Variants in STX4 observed in about 807,000 individuals in gnomAD.
STX4 encodes syntaxin 4, also known as syntaxin-4.
A neutral mutation model predicts 41.8 loss-of-function variants in STX4; 24 were observed. The observed-to-expected ratio is 0.57, with a 90% CI of 0.42 to 0.81. STX4 has a LOEUF of 0.81. Ranked by LOEUF, STX4 falls within the 30% of genes least tolerant of loss-of-function variation. The pLI is 0.00. For missense variants in STX4, 316 were observed against 389.9 expected, an observed-to-expected ratio of 0.81 and a Z score of 1.60; for synonymous variants, 158 against 156.4, an observed-to-expected ratio of 1.01 and a Z score of -0.08.
At chr16:31,035,081 G>A (rs773121365) in intron 5 of STX4, 41 bp downstream of exon 5, 1 of 1,523,542 alleles carries the variant, frequency 6.6e-7, no homozygotes, top group South Asian at 1.2e-5. Context: ...TTCAGCAAAT[G>A]TTTCATGAAG....
intron 5 of STX4, 92 bp from the exon 6 acceptor site, chr16:31,037,834 A>G (rs55979739): frequency 0.38 from 482,364 of 1,259,982 alleles, 99,319 homozygotes; most frequent in South Asian, 0.68. Flanking sequence ...ATAAGAGCTC[A>G]TGCTATTTGC....
In STX4 at chr16:31,038,310, T is replaced by C. The variant is rs1009658297; in HGVS notation, c.564+120T>C. ...CCTCAGCCTCCCGAGTAGCTGGGAC[T>C]ATAGGTGCAAGCCACTGCACCCCGC... is the stretch of plus-strand genomic sequence containing the variant. On this transcript the variant is annotated intron_variant, in intron 7 of 10. Transcript: ENST00000313843. 4.3e-6 allele frequency: 6 copies of C among 1,405,124 alleles called. No individual in the cohort carries two copies. The African/African-American group carries it at 7.1e-5, about 17-fold the overall frequency. 87.0% of individuals were successfully genotyped at this position (1,405,124 alleles called of 1,614,324 possible). A position where few individuals can be genotyped will look rare whatever the true frequency, so the allele number is the denominator to read the frequency against.
chr16:31,034,863 T>C, intron 4 of STX4, 107 bp from the exon 5 acceptor site: 4 of 1,056,880 alleles, frequency 3.8e-6, no homozygotes, highest in East Asian at 2.6e-5. Context: ...AAAATAAACT[T>C]ACTTTCTCCT....
rs1204876092 is a variant in STX4 at position 31,033,922 on chromosome 16, A to T, written c.30+87A>T. 6.9e-7 allele frequency: 1 copy of T among 1,458,504 alleles called. No individual in the cohort carries two copies. The highest frequency in any genetic ancestry group is 1.4e-5 in the African/African-American group (1 of 70,048). 90.3% of individuals were successfully genotyped at this position (1,458,504 alleles called of 1,614,324 possible). A position where few individuals can be genotyped will look rare whatever the true frequency, so the allele number is the denominator to read the frequency against. On this transcript the variant is annotated intron_variant, in intron 1 of 10. Coordinates refer to ENST00000313843, the MANE Select transcript of STX4 (RefSeq NM_004604.5). This position sits in a 1 kb window ranked among gnomAD's most constrained non-coding sequence, Gnocchi z 5.5. Reference sequence around the variant, plus strand: ...TCTTCGGGATAGGGAGGGGTGGCTGATGGCCAGGAAGGAAAGTCCCGGAAG... The same window carrying T: ...TCTTCGGGATAGGGAGGGGTGGCTGTTGGCCAGGAAGGAAAGTCCCGGAAG...
chr16:31,036,063 G>A (rs928701148), intron 5 of STX4, among the ~76,000 whole-genome samples: 3 of 152,030 alleles, frequency 2.0e-5, no homozygotes, highest in Non-Finnish European at 4.4e-5. Flanking sequence ...ATAGGCATGA[G>A]CCACCGCGCG....
In STX4 at chr16:31,033,613, C is replaced by T. The variant is rs1398587756; in HGVS notation, c.-193C>T. 3.4e-6 allele frequency: 5 copies of T among 1,490,960 alleles called. No individual in the cohort carries two copies. In the African/African-American group the frequency reaches 7.0e-5, roughly 21 times the overall value. 92.4% of individuals were successfully genotyped at this position (1,490,960 alleles called of 1,614,324 possible). A position where few individuals can be genotyped will look rare whatever the true frequency, so the allele number is the denominator to read the frequency against. ...AAAAGGGAATTCCAACCTGTGGAAC[C>T]TTGGGGGGTCCCCGGGGTCGGCGCC... On this transcript the variant is annotated 5_prime_UTR_variant, in exon 1 of 11. Coordinates refer to ENST00000313843, the MANE Select transcript of STX4 (RefSeq NM_004604.5). This position sits in a 1 kb window ranked among gnomAD's most constrained non-coding sequence, Gnocchi z 5.5.
intron 3 of STX4, 25 bp downstream of exon 3, chr16:31,034,350 C>T: frequency 6.2e-7 from 1 of 1,613,438 alleles, no homozygotes. Context: ...GGCTGCAGGG[C>T]GCATGCTCCG....
Position 31,038,547 on chromosome 16 carries a change from A to G in STX4, c.602A>G (p.Asn201Ser). ...KDTQVTRQAL[N>S]EISARHSEIQ... ...ACGCAGGTGACTCGACAGGCCTTAA[A>G]TGAGATCTCGGCCCGGCACAGTGAG... is the stretch of plus-strand genomic sequence containing the variant. The change falls in exon 8 of 11, where the codon AAT becomes AGT. Residue 201 changes from asparagine (N) to serine (S), a missense_variant. Transcript: ENST00000313843. 1 of 1,614,084 alleles carries G rather than the reference A, an allele frequency of 6.2e-7. No individual in the cohort carries two copies. The highest frequency in any genetic ancestry group is 8.5e-7 in the Non-Finnish European group (1 of 1,180,020).
At position 31,033,780 on chromosome 16, in the gene STX4, G is replaced by T. The variant is rs1041648834; in HGVS notation, c.-26G>T. 3.4e-6 allele frequency: 5 copies of T among 1,451,494 alleles called. No individual in the cohort carries two copies. Among genetic ancestry groups the T allele is most frequent in the Non-Finnish European group, 3.6e-6 (4 of 1,099,970 alleles). 89.9% of individuals were successfully genotyped at this position (1,451,494 alleles called of 1,614,324 possible). A position where few individuals can be genotyped will look rare whatever the true frequency, so the allele number is the denominator to read the frequency against. On this transcript the variant is annotated 5_prime_UTR_variant, in exon 1 of 11. Coordinates refer to ENST00000313843, the MANE Select transcript of STX4 (RefSeq NM_004604.5). The surrounding 1 kb of genome is among the most constrained non-coding windows in gnomAD (Gnocchi z 5.5). Reference sequence around the variant, plus strand: ...AATTTGAGGGCCTCCCGGCTCTGGCGCCGGGGAGGGAGAGCTCAGGCCGCC... The same window carrying T: ...AATTTGAGGGCCTCCCGGCTCTGGCTCCGGGGAGGGAGAGCTCAGGCCGCC...
chr16:31,033,669 G>A lies in STX4; in HGVS notation c.-137G>A, dbSNP rs2056773459. Reference sequence around the variant, plus strand: ...ATTGACTGTGGGCGGTGCAAGGGACGGAGCCTCTGGCGGCTCGTGGGGGTG... The same window carrying A: ...ATTGACTGTGGGCGGTGCAAGGGACAGAGCCTCTGGCGGCTCGTGGGGGTG... On this transcript the variant is annotated 5_prime_UTR_variant, in exon 1 of 11. Transcript: ENST00000313843. This position sits in a 1 kb window ranked among gnomAD's most constrained non-coding sequence, Gnocchi z 5.5. 6.9e-7 allele frequency: 1 copy of A among 1,451,920 alleles called. No homozygotes were observed. 89.9% of individuals were successfully genotyped at this position (1,451,920 alleles called of 1,614,324 possible). A position where few individuals can be genotyped will look rare whatever the true frequency, so the allele number is the denominator to read the frequency against.
chr16:31,033,737 C>T lies in STX4; in HGVS notation c.-69C>T. 6.9e-7 allele frequency: 1 copy of T among 1,449,914 alleles called. No homozygotes were observed. The highest frequency in any genetic ancestry group is 9.1e-7 in the Non-Finnish European group (1 of 1,100,704). 89.8% of individuals were successfully genotyped at this position (1,449,914 alleles called of 1,614,324 possible). On this transcript the variant is annotated 5_prime_UTR_variant, in exon 1 of 11. Transcript: ENST00000313843. The surrounding 1 kb of genome is among the most constrained non-coding windows in gnomAD (Gnocchi z 5.5). ...AGGGAGGGGAGTGTCAGAGTGTGAGCGGGGTACGGGAATTCCAAATTTGAG... is the reference window on the plus strand; with the variant it reads ...AGGGAGGGGAGTGTCAGAGTGTGAGTGGGGTACGGGAATTCCAAATTTGAG...
chr16:31,036,023 C>T (rs2056796979), intron 5 of STX4, among the ~76,000 whole-genome samples: 1 of 152,108 alleles, frequency 6.6e-6, no homozygotes, highest in African/African-American at 2.4e-5. Flanking sequence ...AACTGATCCA[C>T]CTGCTTTGGC....
upstream of STX4, chr16:31,033,555 G>C (rs913709833): frequency 1.3e-6 from 2 of 1,547,070 alleles, no homozygotes; most frequent in Non-Finnish European, 1.7e-6. The surrounding 1 kb of genome is among the most constrained non-coding windows in gnomAD (Gnocchi z 5.5). Context: ...ACGGAGGGGC[G>C]GGGCTGAGGC....
chr16:31,033,894 T>C lies in STX4; in HGVS notation c.30+59T>C, dbSNP rs370566166. ...CGGACGAACTGGAACGCAGGACTTC[T>C]GGTCTTCGGGATAGGGAGGGGTGGC... On this transcript the variant is annotated intron_variant, in intron 1 of 10. Coordinates refer to ENST00000313843, the MANE Select transcript of STX4 (RefSeq NM_004604.5). The surrounding 1 kb of genome is among the most constrained non-coding windows in gnomAD (Gnocchi z 5.5). The C allele has an allele frequency of 7.6e-6, 11 of 1,453,868 alleles. No homozygotes were observed. The highest frequency in any genetic ancestry group is 1.0e-5 in the Non-Finnish European group (11 of 1,100,216). 90.1% of individuals were successfully genotyped at this position (1,453,868 alleles called of 1,614,324 possible). A position where few individuals can be genotyped will look rare whatever the true frequency, so the allele number is the denominator to read the frequency against.
intron 2 of STX4, 21 bp from the exon 3 acceptor site, chr16:31,034,205 C>G: frequency 6.2e-7 from 1 of 1,614,044 alleles, no homozygotes; most frequent in East Asian, 2.2e-5. Context: ...CTCTTTCAGC[C>G]CTCTCGGTCA....
At chr16:31,034,635 C>T (rs1377066569) in intron 4 of STX4, 99 bp downstream of exon 4, 9 of 1,323,474 alleles carry the variant, frequency 6.8e-6, no homozygotes, top group African/African-American at 4.5e-5. Flanking sequence ...GTGATATATC[C>T]AGGTCACACA....
In STX4 at chr16:31,038,650, G is replaced by A; in HGVS notation, c.702+3G>A. 6.2e-7 allele frequency: 1 copy of A among 1,613,810 alleles called. No individual in the cohort carries two copies. Among genetic ancestry groups the A allele is most frequent in the Non-Finnish European group, 8.5e-7 (1 of 1,179,956 alleles). On this transcript the variant is annotated splice_donor_region_variant and intron_variant, in intron 8 of 10. Coordinates refer to ENST00000313843, the MANE Select transcript of STX4 (RefSeq NM_004604.5). ...TGGCTACCGAAGTGGAGATGCAGGT[G>A]GGTGCCCCGCGCAGCCCCAGACGTG...
Position 31,039,375 on chromosome 16 carries a change from G to A in STX4, c.703-166G>A. 1 of 620,762 alleles carries A rather than the reference G, an allele frequency of 1.6e-6. No homozygotes were observed. Among genetic ancestry groups the A allele is most frequent in the Admixed American group, 2.9e-5 (1 of 35,052 alleles). The allele number at this position is 620,762 out of a possible 1,614,324, so 38.5% of individuals were successfully genotyped here. ...GGGACAAGGGACTACATGATAGAAG[G>A]GGCCTGGAAGCCATCCCCAAGGAGT... On this transcript the variant is annotated intron_variant, in intron 8 of 10. Transcript: ENST00000313843. This position sits in a 1 kb window ranked among gnomAD's most constrained non-coding sequence, Gnocchi z 4.1.
intron 7 of STX4, 110 bp downstream of exon 7, chr16:31,038,300 T>A: frequency 7.0e-7 from 1 of 1,435,604 alleles, no homozygotes; most frequent in Non-Finnish European, 9.6e-7. Flanking sequence ...GCCTCCCGAG[T>A]AGCTGGGACT....
Sources: allele counts gnomAD v4.1 joint callset (sites outside exome capture counted in the v4.1 genomes callset), GRCh38; gene constraint gnomAD v4.1.1; non-coding constraint Gnocchi (gnomAD v3.1); transcripts MANE v1.5; gene names NCBI Gene and HGNC (gene_info 2026-07-23, HGNC 2026-07-21).